The following CNOT2 variants were observed in gnomAD, a reference collection of about 807,000 sequenced individuals.
CNOT2 encodes CC chemokine receptor 4-negative regulator of transcription 2.
In CNOT2, 7 loss-of-function variants were observed where a neutral mutation model predicts 72.1. The observed-to-expected ratio is 0.10, with a 90% CI of 0.06 to 0.18. The LOEUF (loss-of-function observed/expected upper bound fraction) is 0.18, where lower values mean the gene tolerates loss of function less well. Among genes scored for constraint, CNOT2 ranks in the 10% least tolerant of loss-of-function variants. The pLI, the probability that CNOT2 is intolerant of heterozygous loss-of-function variation, is 1.00. For synonymous variants in CNOT2, 196 were observed against 225.6 expected (o/e 0.87, Z 1.17); for missense variants, 345 against 660.3 (o/e 0.52, Z 5.23).
intron 11 of CNOT2, among the ~76,000 whole-genome samples, chr12:70,339,417 C>A (rs1203994459): frequency 1.3e-5 from 2 of 152,068 alleles, no homozygotes; most frequent in Non-Finnish European, 2.9e-5. Flanking sequence ...GTGATCAACT[C>A]CCTTCTTACC....
rs765048895 is a variant in CNOT2, at chr12:70,338,467, A to G, written c.925A>G (p.Thr309Ala). 6.2e-7 allele frequency: 1 copy of G among 1,609,562 alleles called. No individual in the cohort carries two copies. Among genetic ancestry groups the G allele is most frequent in the South Asian group, 1.1e-5 (1 of 90,236 alleles). The change falls in exon 10 of 16, where the codon ACT becomes GCT. Residue 309 changes from threonine (T) to alanine (A), a missense_variant. By Grantham distance (58) the Thr-to-Ala change is moderately conservative. This residue lies in a region of CNOT2 where 128 missense variants were observed against 233.0 expected (regional missense o/e 0.55). Coordinates refer to ENST00000229195, the MANE Select transcript of CNOT2 (RefSeq NM_014515.7). ...KSNLNTSGKT[T>A]SSTDGPKFPG... ...GAATTTGAATACATCTGGCAAGACA[A>G]CTTCAAGTACAGATGGACCCAAATT...
chr12:70,293,270 C>G (rs904321944), intron 2 of CNOT2, among the ~76,000 whole-genome samples: 1 of 151,706 alleles, frequency 6.6e-6, no homozygotes, highest in Admixed American at 6.6e-5. Flanking sequence ...AAGAGATTCT[C>G]CTGCCTCCGC....
At position 70,346,250 on chromosome 12, in the gene CNOT2, A is replaced by G; in HGVS notation, c.1462A>G (p.Thr488Ala). ...WITRAPGMEP[T>A]MKTNTYERGT... ...TACCAGGGCACCAGGCATGGAGCCAACAATGAAAACCAATACCTATGAGAG... is the reference window on the plus strand; with the variant it reads ...TACCAGGGCACCAGGCATGGAGCCAGCAATGAAAACCAATACCTATGAGAG... Residue 488 changes from threonine to alanine, a missense_variant, in exon 15 of 16, where the codon ACA (threonine) becomes GCA (alanine). Thr to Ala is a moderately conservative substitution (Grantham distance 58). Around this residue, in one of 4 missense-constraint regions of CNOT2, gnomAD observed 53 missense variants for 153.4 expected, o/e 0.35. Coordinates refer to ENST00000229195, the MANE Select transcript of CNOT2 (RefSeq NM_014515.7). 2 of 1,610,818 alleles carry G rather than the reference A, an allele frequency of 1.2e-6. No homozygotes were observed. The highest frequency in any genetic ancestry group is 8.5e-7 in the Non-Finnish European group (1 of 1,177,010).
chr12:70,298,841 T>C (rs1354221961), intron 2 of CNOT2, among the ~76,000 whole-genome samples: 1 of 152,130 alleles, frequency 6.6e-6, no homozygotes, highest in African/African-American at 2.4e-5. Context: ...ATAAGCCTTA[T>C]TGATTTGGGA....
At chr12:70,325,270 A>G (rs1878912185) in intron 4 of CNOT2, among the ~76,000 whole-genome samples, 1 of 151,848 alleles carries the variant, frequency 6.6e-6, no homozygotes, top group Admixed American at 6.6e-5. Flanking sequence ...TCTTGACAGA[A>G]TTTTAATACT....
At chr12:70,313,187 A>T (rs1416286347) in intron 3 of CNOT2, among the ~76,000 whole-genome samples, 1 of 151,898 alleles carries the variant, frequency 6.6e-6, no homozygotes, top group Admixed American at 6.6e-5. Context: ...GTTATTGGTC[A>T]TTTGTATTTC....
chr12:70,285,384 ATT>A (rs59359629), intron 2 of CNOT2: 2,006 of 142,622 alleles, frequency 0.014, 39 homozygotes, highest in African/African-American at 0.048. Flanking sequence ...AATTTTTTGT[ATT>A]TTTTTTTTTT....
At chr12:70,267,669 G>T (rs773598742) in intron 1 of CNOT2, among the ~76,000 whole-genome samples, 1 of 152,134 alleles carries the variant, frequency 6.6e-6, no homozygotes, top group South Asian at 2.1e-4. Flanking sequence ...CTTTTATGTT[G>T]TAGTTTCATA....
rs138697519 is a variant in CNOT2, at chr12:70,298,526, C to T, written c.49-12369C>T. The stretch of plus-strand genomic sequence containing the variant: ...AAATAGGGATAGTTAATTGTTCTTA[C>T]TTTCTAGCGTTATCTTGATAATTAC... On this transcript the variant is annotated intron_variant, in intron 2 of 15. Coordinates refer to ENST00000229195, the MANE Select transcript of CNOT2 (RefSeq NM_014515.7). Among the ~76,000 whole-genome samples the T allele has an allele frequency of 1.1e-4, 16 of 152,292 alleles. 1 individual carries two copies. Among genetic ancestry groups the T allele is most frequent in the South Asian group, 6.2e-4 (3 of 4,828 alleles).
At chr12:70,304,778 C>T (rs1343812940) in intron 2 of CNOT2, among the ~76,000 whole-genome samples, 1 of 152,242 alleles carries the variant, frequency 6.6e-6, no homozygotes, top group Admixed American at 6.5e-5. Flanking sequence ...AGAGGTGGAG[C>T]CTACAGAGGC....
intron 2 of CNOT2, among the ~76,000 whole-genome samples, chr12:70,278,820 T>C (rs4761192): frequency 0.28 from 42,982 of 152,044 alleles, 6,371 homozygotes; most frequent in Admixed American, 0.44. Context: ...TTAATAATAT[T>C]CATTCCTTAT....
chr12:70,351,154 C>T (rs945642753), intron 15 of CNOT2, among the ~76,000 whole-genome samples: 2 of 152,100 alleles, frequency 1.3e-5, no homozygotes, highest in Non-Finnish European at 2.9e-5. Flanking sequence ...CATAGACCCT[C>T]TAATGTATCA....
At chr12:70,297,848 CT>C in intron 2 of CNOT2, 1 of 250,788 alleles carries the variant, frequency 4.0e-6, no homozygotes, top group Non-Finnish European at 8.1e-6. Context: ...AGTGATTCTC[CT>C]GCCTCGGCCT....
intron 1 of CNOT2, among the ~76,000 whole-genome samples, chr12:70,264,373 A>G (rs138142461): frequency 4.7e-4 from 72 of 152,208 alleles, no homozygotes; most frequent in African/African-American, 1.6e-3. Flanking sequence ...CTCTGTCCCA[A>G]ATAAAGTCTT....
chr12:70,246,765 A>G (rs1230094306), intron 1 of CNOT2, among the ~76,000 whole-genome samples: 1 of 151,472 alleles, frequency 6.6e-6, no homozygotes. Context: ...TTAGAATTCA[A>G]CTCTTATGAC....
chr12:70,350,261 A>C (rs1021778523), intron 15 of CNOT2, among the ~76,000 whole-genome samples: 2 of 152,164 alleles, frequency 1.3e-5, no homozygotes, highest in African/African-American at 4.8e-5. Context: ...AAATTTAAGA[A>C]TTCTTTCGGC....
At position 70,353,923 on chromosome 12, in the gene CNOT2, A is replaced by AG; in HGVS notation, c.*8_*9insG. 5.7e-6 allele frequency: 9 copies of AG among 1,576,924 alleles called. No homozygotes were observed. Among genetic ancestry groups the AG allele is most frequent in the Non-Finnish European group, 7.7e-6 (9 of 1,168,144 alleles). ...GCTCAGCAAGCCTTCTAAAAAAAAA[A>AG]AAAAAAAAAAAAAAAGACTTCCCTT... On this transcript the variant is annotated 3_prime_UTR_variant, in exon 16 of 16. Transcript: ENST00000229195.
In CNOT2 at chr12:70,354,189, T is replaced by C; in HGVS notation, c.*274T>C. 2 of 447,088 alleles carry C rather than the reference T, an allele frequency of 4.5e-6. No homozygotes were observed. The highest frequency in any genetic ancestry group is 7.3e-6 in the Non-Finnish European group (2 of 275,106). 27.7% of individuals were successfully genotyped at this position (447,088 alleles called of 1,614,324 possible). On this transcript the variant is annotated 3_prime_UTR_variant, in exon 16 of 16. Transcript: ENST00000229195. ...TTCCTTTTTTGCCAGCAGACAGACT[T>C]GAGTCTGTAAAGACAAGCAAATACA...
chr12:70,342,222 A>C, intron 12 of CNOT2, 36 bp from the exon 13 acceptor site: 1 of 1,613,100 alleles, frequency 6.2e-7, no homozygotes, highest in Admixed American at 1.7e-5. Flanking sequence ...ACAATTGAGA[A>C]TCAGTTAATA....
Sources: gnomAD v4.1 joint callset for allele counts (sites outside exome capture counted in the v4.1 genomes callset) on GRCh38, gnomAD v4.1.1 for gene constraint, gnomAD v4.1.1 regional missense constraint, MANE v1.5 for transcripts, NCBI Gene and HGNC (gene_info 2026-07-23, HGNC 2026-07-21) for gene names.